Variants in TENM3 observed in about 807,000 individuals in gnomAD.
The protein encoded by TENM3 is teneurin transmembrane protein 3.
In TENM3, 63 loss-of-function variants were observed where a neutral mutation model predicts 255.1. The ratio of observed to expected loss-of-function variants is 0.25; its 90% CI spans 0.20 to 0.30. The LOEUF (loss-of-function observed/expected upper bound fraction) is 0.30, where lower values mean the gene tolerates loss of function less well. Ranked by LOEUF, TENM3 falls within the 10% of genes least tolerant of loss-of-function variation. The probability of loss-of-function intolerance (pLI) is 1.00; values close to 1 mark genes in which losing one functional copy is unlikely to be tolerated. For synonymous variants in TENM3, 1,306 were observed against 1,322.3 expected (o/e 0.99, Z 0.27); for missense variants, 2,929 against 3,461.1 (o/e 0.85, Z 3.86).
At chr4:182,362,154 C>CTCGGGGG (rs1224219844) in intron 3 of TENM3, among the ~76,000 whole-genome samples, 5 of 152,154 alleles carry the variant, frequency 3.3e-5, no homozygotes, top group Non-Finnish European at 7.3e-5. Flanking sequence ...AGTTAGGCTG[C>CTCGGGGG]TCGGGGGTCA....
chr4:182,674,245 AT>A (rs1755476317), intron 7 of TENM3, among the ~76,000 whole-genome samples: 1 of 152,102 alleles, frequency 6.6e-6, no homozygotes, highest in Non-Finnish European at 1.5e-5. Context: ...TGTGAGAAAT[AT>A]TTTTTCTATA....
the TENM3 span, among the ~76,000 whole-genome samples, chr4:181,534,235 CAAA>C: frequency 2.8e-3 from 316 of 112,406 alleles, 3 homozygotes; most frequent in African/African-American, 0.01. Flanking sequence ...GACTCCACCT[CAAA>C]AAAAAAAAAA....
At chr4:181,838,900 T>C in the TENM3 span, among the ~76,000 whole-genome samples, 1 of 151,880 alleles carries the variant, frequency 6.6e-6, no homozygotes, top group Non-Finnish European at 1.5e-5. Flanking sequence ...TTGTCTGTGT[T>C]TCTCTCTTAT....
chr4:182,478,550 G>C (rs1403380020), intron 3 of TENM3, among the ~76,000 whole-genome samples: 2 of 151,772 alleles, frequency 1.3e-5, no homozygotes. Flanking sequence ...CTCACCGTGA[G>C]TCTTCCCAAT....
the TENM3 span, among the ~76,000 whole-genome samples, chr4:181,617,749 T>C: frequency 1.3e-5 from 2 of 152,124 alleles, no homozygotes; most frequent in South Asian, 2.1e-4. Flanking sequence ...TCAAGGAAAA[T>C]TTCTCCTTAT....
rs1742728764 is a variant in TENM3 at position 182,557,875 on chromosome 4, T to C, written c.512-43049T>C. Among the ~76,000 whole-genome samples the C allele has an allele frequency of 2.0e-5, 3 of 152,354 alleles. No homozygotes were observed. The South Asian group carries it at 6.2e-4, about 32-fold the overall frequency. On this transcript the variant is annotated intron_variant, in intron 3 of 27. Transcript: ENST00000511685. The stretch of plus-strand genomic sequence containing the variant: ...CTCTACCATTCATACATGTTTACAG[T>C]GATTTCCTTCTGAGTAAATATATAG...
intron 3 of TENM3, among the ~76,000 whole-genome samples, chr4:182,449,631 A>G (rs1773285761): frequency 6.6e-6 from 1 of 152,210 alleles, no homozygotes; most frequent in African/African-American, 2.4e-5. Context: ...GCTTAAATTA[A>G]TAAGCCCTTT....
intron 19 of TENM3, among the ~76,000 whole-genome samples, chr4:182,748,321 C>T (rs1029231569): frequency 6.6e-6 from 1 of 152,202 alleles, no homozygotes; most frequent in Non-Finnish European, 1.5e-5. Flanking sequence ...TTCCGCTCAG[C>T]AGAGATTTCC....
At chr4:181,670,411 G>A in the TENM3 span, among the ~76,000 whole-genome samples, 3 of 152,058 alleles carry the variant, frequency 2.0e-5, no homozygotes, top group African/African-American at 4.8e-5. Flanking sequence ...TCTTGGCCTC[G>A]AAATGATCTA....
At chr4:181,994,423 G>T in the TENM3 span, among the ~76,000 whole-genome samples, 1 of 152,062 alleles carries the variant, frequency 6.6e-6, no homozygotes, top group Non-Finnish European at 1.5e-5. Context: ...ATGTCTGTCT[G>T]TCAGTAAAAA....
chr4:182,751,868 C>A lies in TENM3; in HGVS notation c.3698C>A (p.Thr1233Lys). The change falls in exon 20 of 28, where the codon ACA becomes AAA. Residue 1233 changes from threonine to lysine, a missense_variant. Coordinates refer to ENST00000511685, the MANE Select transcript of TENM3 (RefSeq NM_001080477.4). The stretch of plus-strand genomic sequence containing the variant: ...ACGGGAGATCTGTACGTTTCTGACA[C>A]AAACACCCGCAGAATTTATCGCCCA... ...PVTGDLYVSD[T>K]NTRRIYRPKS... 1 of 1,613,886 alleles carries A rather than the reference C, an allele frequency of 6.2e-7. No individual in the cohort carries two copies. The highest frequency in any genetic ancestry group is 8.5e-7 in the Non-Finnish European group (1 of 1,179,868).
intron 3 of TENM3, among the ~76,000 whole-genome samples, chr4:182,514,294 G>A (rs1382024110): frequency 1.3e-5 from 2 of 152,192 alleles, no homozygotes; most frequent in African/African-American, 4.8e-5. Flanking sequence ...GATGGTGTTA[G>A]GATATGAAGA....
In TENM3 at chr4:182,378,167, G is replaced by A. The variant is rs192013865; in HGVS notation, c.511+31238G>A. ...TCGGCTTCTTAAAGGCAGTGAGCTC[G>A]GGTAAGTGTGATTCCTATTTTATAA... On this transcript the variant is annotated intron_variant, in intron 3 of 27. Coordinates refer to ENST00000511685, the MANE Select transcript of TENM3 (RefSeq NM_001080477.4). Among the ~76,000 whole-genome samples the A allele has an allele frequency of 3.3e-5, 5 of 152,238 alleles. No homozygotes were observed. In the East Asian group the frequency reaches 5.8e-4, roughly 18 times the overall value.
At chr4:181,838,203 A>G in the TENM3 span, among the ~76,000 whole-genome samples, 1 of 152,106 alleles carries the variant, frequency 6.6e-6, no homozygotes, top group African/African-American at 2.4e-5. Context: ...CCTCTAGCAG[A>G]TTTGCATTTC....
the TENM3 span, among the ~76,000 whole-genome samples, chr4:182,128,280 ATG>A: frequency 6.6e-6 from 1 of 151,460 alleles, no homozygotes; most frequent in Admixed American, 6.6e-5. Flanking sequence ...TCTTGTAGTT[ATG>A]CTATTAGCAT....
intron 1 of TENM3, among the ~76,000 whole-genome samples, chr4:182,184,647 C>T (rs966476315): frequency 9.9e-5 from 15 of 151,952 alleles, no homozygotes; most frequent in African/African-American, 3.6e-4. Context: ...TCATATAGGA[C>T]CCAGTATTTT....
At chr4:182,288,977 C>G (rs772417628) in intron 1 of TENM3, among the ~76,000 whole-genome samples, 1 of 152,128 alleles carries the variant, frequency 6.6e-6, no homozygotes, top group Non-Finnish European at 1.5e-5. Flanking sequence ...GTAATCCCAG[C>G]ACTTTGGGAG....
At chr4:181,849,306 G>GCA in the TENM3 span, among the ~76,000 whole-genome samples, 1 of 152,186 alleles carries the variant, frequency 6.6e-6, no homozygotes, top group South Asian at 2.1e-4. Context: ...AGATGTGAGA[G>GCA]TTTACAGGCA....
chr4:181,571,606 G>A, the TENM3 span, among the ~76,000 whole-genome samples: 13 of 152,094 alleles, frequency 8.5e-5, no homozygotes, highest in Non-Finnish European at 1.6e-4. Flanking sequence ...CCAAAGCACT[G>A]GGATTACAGG....
Sources: allele counts gnomAD v4.1 joint callset (sites outside exome capture counted in the v4.1 genomes callset), GRCh38; gene constraint gnomAD v4.1.1; transcripts MANE v1.5; gene names NCBI Gene and HGNC (gene_info 2026-07-23, HGNC 2026-07-21).